GNA11: variants seen among roughly 807,000 people sequenced by gnomAD.
GNA11 encodes the protein guanine nucleotide-binding protein subunit alpha-11.
A neutral mutation model predicts 38.2 loss-of-function variants in GNA11; 8 were observed. That is an observed-to-expected ratio of 0.21 (90% CI 0.12 to 0.38). GNA11 has a LOEUF of 0.38. Ranked by LOEUF, GNA11 falls within the 10% of genes least tolerant of loss-of-function variation. The probability of loss-of-function intolerance (pLI) is 1.00; values close to 1 mark genes in which losing one functional copy is unlikely to be tolerated. For missense variants in GNA11, 268 were observed against 516.3 expected (o/e 0.52, Z 4.66); for synonymous variants, 211 against 221.4 (o/e 0.95, Z 0.42).
rs1400543550 is a variant in GNA11 at position 3,123,253 on chromosome 19, AG to A, written c.*2076del. 3 of 233,190 alleles carry A rather than the reference AG, an allele frequency of 1.3e-5. No individual in the cohort carries two copies. Among genetic ancestry groups the A allele is most frequent in the Non-Finnish European group, 2.5e-5 (3 of 118,106 alleles). 14.4% of individuals were successfully genotyped at this position (233,190 alleles called of 1,614,324 possible). On this transcript the variant is annotated 3_prime_UTR_variant, in exon 7 of 7. Transcript: ENST00000078429. ...CCGGGGCGCTGCGGGGCTAAGTATTAGGCCTTCCCAGGGAGGGGGCGTGCCA... is the reference window on the plus strand; with the variant it reads ...CCGGGGCGCTGCGGGGCTAAGTATTAGCCTTCCCAGGGAGGGGGCGTGCCA...
chr19:3,115,423 A>C, intron 4 of GNA11: 1 of 220,126 alleles, frequency 4.5e-6, no homozygotes, highest in East Asian at 1.3e-4. Context: ...AAACAAAAGA[A>C]AGCCCATTGG....
intron 2 of GNA11, among the ~76,000 whole-genome samples, chr19:3,111,651 T>C (rs761081211): frequency 3.9e-5 from 6 of 152,238 alleles, no homozygotes; most frequent in Non-Finnish European, 8.8e-5. Flanking sequence ...ATGTGGATGA[T>C]GTGTTCCCTT....
At chr19:3,107,018 CCTGAGGTGAGGAATTTGA>C (rs1187310139) in intron 1 of GNA11, among the ~76,000 whole-genome samples, 3 of 152,222 alleles carry the variant, frequency 2.0e-5, no homozygotes, top group Non-Finnish European at 2.9e-5. Flanking sequence ...AGGTAGATCA[CCTGAGGTGAGGAATTTGA>C]CACCAGCCTA....
At chr19:3,115,817 TGGAGGAGGGGTCATAGGGACTGAGTGG>T (rs1913901401) in intron 4 of GNA11, among the ~76,000 whole-genome samples, 1 of 12,204 alleles carries the variant, frequency 8.2e-5, no homozygotes, top group Non-Finnish European at 1.6e-4. Flanking sequence ...AGGCTGTGAG[TGGAGGAGGGGTCATAGGGACTGAGTGG>T]GGAGGAGGGG....
intron 2 of GNA11, among the ~76,000 whole-genome samples, chr19:3,111,991 G>C (rs940926478): frequency 6.6e-6 from 1 of 152,234 alleles, no homozygotes; most frequent in Non-Finnish European, 1.5e-5. Flanking sequence ...ATCTCCATCA[G>C]CTTCTGAAAC....
chr19:3,123,578 C>G lies in GNA11; in HGVS notation c.*2399C>G, dbSNP rs566604063. On this transcript the variant is annotated 3_prime_UTR_variant, in exon 7 of 7. Coordinates refer to ENST00000078429, the MANE Select transcript of GNA11 (RefSeq NM_002067.5). ...CGTGAGTGCCGACCACCTTCTCCGA[C>G]CATGTTACGCCCGGGCGGCAGCAGC... 4 of 233,200 alleles carry G rather than the reference C, an allele frequency of 1.7e-5. No homozygotes were observed. Among genetic ancestry groups the G allele is most frequent in the Non-Finnish European group, 3.4e-5 (4 of 117,978 alleles). The allele number at this position is 233,200 out of a possible 1,614,324, so 14.4% of individuals were successfully genotyped here.
chr19:3,112,520 C>A (rs981376693), intron 2 of GNA11, among the ~76,000 whole-genome samples: 1 of 152,218 alleles, frequency 6.6e-6, no homozygotes, highest in African/African-American at 2.4e-5. Flanking sequence ...GGACACAGAG[C>A]ATCAGGAGGG....
intron 4 of GNA11, chr19:3,118,639 C>G (rs1316238149): frequency 3.6e-5 from 14 of 383,644 alleles, no homozygotes; most frequent in Non-Finnish European, 6.2e-5. Context: ...CAGCTGGCGC[C>G]CAGAATCCTC....
In GNA11 at chr19:3,115,174, C is replaced by T. The variant is rs372457175; in HGVS notation, c.605+102C>T. ...CACCCAGTGCTTTGGGAGGCCAAGG[C>T]GGGAGGATCGCCTGAGTCCAGGAGT... On this transcript the variant is annotated intron_variant, in intron 4 of 6. Transcript: ENST00000078429. 1.7e-3 allele frequency: 2,339 copies of T among 1,346,060 alleles called. 54 individuals carry two copies. In the South Asian group the frequency reaches 0.029, roughly 17 times the overall value. 83.4% of individuals were successfully genotyped at this position (1,346,060 alleles called of 1,614,324 possible).
chr19:3,111,794 C>T (rs1469530170), intron 2 of GNA11, among the ~76,000 whole-genome samples: 2 of 152,212 alleles, frequency 1.3e-5, no homozygotes, highest in East Asian at 1.9e-4. Flanking sequence ...GCCGTGCAGC[C>T]GTGGCTCCTG....
rs1340082121 is a variant in GNA11 at position 3,115,090 on chromosome 19, G to A, written c.605+18G>A. On this transcript the variant is annotated intron_variant, in intron 4 of 6. Coordinates refer to ENST00000078429, the MANE Select transcript of GNA11 (RefSeq NM_002067.5). ...ATCTTCCGGTACCGCCCGGGCCACA[G>A]CAGGCGGGGAGGGGGCACTGAGAGG... 4.3e-6 allele frequency: 7 copies of A among 1,610,320 alleles called. No homozygotes were observed. The highest frequency in any genetic ancestry group is 5.9e-6 in the Non-Finnish European group (7 of 1,177,952).
chr19:3,098,554 C>T (rs1418508915), intron 1 of GNA11, among the ~76,000 whole-genome samples: 1 of 152,206 alleles, frequency 6.6e-6, no homozygotes, highest in Non-Finnish European at 1.5e-5. Context: ...GCTAGCGAGG[C>T]TGAGCCGGAG....
rs914014518 is a variant in GNA11 at position 3,122,955 on chromosome 19, G to A, written c.*1776G>A. On this transcript the variant is annotated 3_prime_UTR_variant, in exon 7 of 7. Coordinates refer to ENST00000078429, the MANE Select transcript of GNA11 (RefSeq NM_002067.5). The surrounding 1 kb of genome is among the most constrained non-coding windows in gnomAD (Gnocchi z 7.7). ...GGGGCTGGCGGGATACCCCCCCCCCGGCTTCCCCACACCACTTCTGTCTCA... is the reference window on the plus strand; with the variant it reads ...GGGGCTGGCGGGATACCCCCCCCCCAGCTTCCCCACACCACTTCTGTCTCA... 1.3e-5 allele frequency: 3 copies of A among 227,720 alleles called. No homozygotes were observed. Among genetic ancestry groups the A allele is most frequent in the African/African-American group, 2.3e-5 (1 of 42,816 alleles). The allele number at this position is 227,720 out of a possible 1,614,324, so 14.1% of individuals were successfully genotyped here.
chr19:3,116,633 G>C (rs1176371122), intron 4 of GNA11, among the ~76,000 whole-genome samples: 2 of 152,238 alleles, frequency 1.3e-5, no homozygotes, highest in African/African-American at 4.8e-5. Context: ...CATCCGCACA[G>C]ACCCTGTTTC....
chr19:3,102,032 G>A (rs1466455803), intron 1 of GNA11, among the ~76,000 whole-genome samples: 1 of 152,076 alleles, frequency 6.6e-6, no homozygotes, highest in Non-Finnish European at 1.5e-5. Context: ...GGAGGCAGAG[G>A]TTGCAGTGAG....
At chr19:3,106,320 G>A (rs768773711) in intron 1 of GNA11, among the ~76,000 whole-genome samples, 2 of 152,232 alleles carry the variant, frequency 1.3e-5, no homozygotes, top group Admixed American at 1.3e-4. Context: ...GCTGTGTGAC[G>A]GGAGGCGGCA....
intron 1 of GNA11, among the ~76,000 whole-genome samples, chr19:3,103,143 C>A (rs981565521): frequency 6.6e-6 from 1 of 152,218 alleles, no homozygotes; most frequent in Non-Finnish European, 1.5e-5. Context: ...TGTCGGCTCC[C>A]AGGTCTCAGC....
rs1384913282 is a variant in GNA11, at chr19:3,121,453, C to CT, written c.*275dup. The CT allele has an allele frequency of 3.0e-5, 6 of 197,126 alleles. No homozygotes were observed. The highest frequency in any genetic ancestry group is 5.8e-5 in the African/African-American group (2 of 34,694). 12.2% of individuals were successfully genotyped at this position (197,126 alleles called of 1,614,324 possible). On this transcript the variant is annotated 3_prime_UTR_variant, in exon 7 of 7. Coordinates refer to ENST00000078429, the MANE Select transcript of GNA11 (RefSeq NM_002067.5). Reference sequence around the variant, plus strand: ...GCCTTGACTTATGGCTCGCTTTTTTCTAAAAAAAAAAAAAAAAGAAAGAAA... The same window carrying CT: ...GCCTTGACTTATGGCTCGCTTTTTTCTTAAAAAAAAAAAAAAAAGAAAGAAA...
intron 4 of GNA11, chr19:3,115,430 T>C (rs1040507606): frequency 1.4e-5 from 3 of 212,358 alleles, no homozygotes; most frequent in African/African-American, 4.7e-5. Flanking sequence ...AGAAAGCCCA[T>C]TGGTCTTCAT....
Sources: allele counts gnomAD v4.1 joint callset (sites outside exome capture counted in the v4.1 genomes callset), GRCh38; gene constraint gnomAD v4.1.1; non-coding constraint Gnocchi (gnomAD v3.1); transcripts MANE v1.5; gene names NCBI Gene and HGNC (gene_info 2026-07-23, HGNC 2026-07-21).